Variants in XPO4 observed in about 807,000 individuals in gnomAD.
XPO4 encodes exportin-4.
Under a neutral mutation model 143.0 loss-of-function variants are expected in XPO4, and 39 were observed. That is an observed-to-expected ratio of 0.27 (90% CI 0.21 to 0.36). The LOEUF (loss-of-function observed/expected upper bound fraction) is 0.36, where lower values mean the gene tolerates loss of function less well. XPO4 is among the 10% of genes least tolerant of loss of function. The pLI, the probability that XPO4 is intolerant of heterozygous loss-of-function variation, is 1.00. For missense variants in XPO4, 907 were observed against 1,348.0 expected, an observed-to-expected ratio of 0.67 and a Z score of 5.12; for synonymous variants, 439 against 474.0, an observed-to-expected ratio of 0.93 and a Z score of 0.96.
intron 16 of XPO4, among the ~76,000 whole-genome samples, chr13:20,797,319 T>C (rs1256036631): frequency 1.3e-5 from 2 of 152,106 alleles, no homozygotes; most frequent in Admixed American, 1.3e-4. Context: ...CCTCCATCTC[T>C]TTCCAAGTAA....
chr13:20,831,578 T>C (rs2059852355), intron 6 of XPO4, among the ~76,000 whole-genome samples: 1 of 152,122 alleles, frequency 6.6e-6, no homozygotes, highest in Admixed American at 6.6e-5. Context: ...GCTTTATATA[T>C]TTTTCTAAAA....
intron 4 of XPO4, chr13:20,848,551 GACA>G (rs1307464248): frequency 1.0e-6 from 1 of 985,208 alleles, no homozygotes; most frequent in Non-Finnish European, 1.2e-6. Flanking sequence ...CATAGAAAAT[GACA>G]ACCACCTATT....
At chr13:20,804,225 C>T (rs1006336220) in intron 13 of XPO4, among the ~76,000 whole-genome samples, 22 of 150,226 alleles carry the variant, frequency 1.5e-4, no homozygotes, top group African/African-American at 4.4e-4. Context: ...TATATATATA[C>T]ACACACACAT....
At chr13:20,798,672 T>C (rs1463989109) in intron 16 of XPO4, among the ~76,000 whole-genome samples, 2 of 151,912 alleles carry the variant, frequency 1.3e-5, no homozygotes, top group East Asian at 1.9e-4. Flanking sequence ...TAAGACAACA[T>C]TTGTAAAATA....
chr13:20,848,041 G>A (rs374241203), intron 4 of XPO4, among the ~76,000 whole-genome samples: 13 of 152,258 alleles, frequency 8.5e-5, no homozygotes, highest in East Asian at 1.9e-4. Context: ...CCTTCCACCC[G>A]TTGGCAACGT....
In XPO4 at chr13:20,902,140, C is replaced by G. The variant is rs1240454200; in HGVS notation, c.69+530G>C. 4.9e-5 allele frequency: 48 copies of G among 985,292 alleles called. 1 individual carries two copies. The highest frequency in any genetic ancestry group is 5.3e-5 in the Non-Finnish European group (44 of 829,944). The allele number at this position is 985,292 out of a possible 1,614,324, so 61.0% of individuals were successfully genotyped here. On this transcript the variant is annotated intron_variant, in intron 1 of 22. Transcript: ENST00000255305. ...TTCCCCTCCCTCCCTCCAGCCGGCC[C>G]GGCCCTTCCACGTGCTGCCGGCTGC...
At chr13:20,829,240 G>T (rs1196358734) in intron 6 of XPO4, among the ~76,000 whole-genome samples, 1 of 152,136 alleles carries the variant, frequency 6.6e-6, no homozygotes, top group Non-Finnish European at 1.5e-5. Flanking sequence ...TTATAGGCAT[G>T]AGCCAGCACA....
chr13:20,815,112 AGGCAAAACTATGG>A (rs2059632623), intron 9 of XPO4, among the ~76,000 whole-genome samples: 1 of 152,216 alleles, frequency 6.6e-6, no homozygotes, highest in African/African-American at 2.4e-5. Context: ...ATTCTAGAAA[AGGCAAAACTATGG>A]AGACAGGCGA....
At chr13:20,892,031 G>GT (rs1439969267) in intron 1 of XPO4, among the ~76,000 whole-genome samples, 5 of 138,308 alleles carry the variant, frequency 3.6e-5, no homozygotes, top group Admixed American at 1.7e-4. Flanking sequence ...TTTTTGTTTT[G>GT]TTTTGTTTTT....
intron 7 of XPO4, among the ~76,000 whole-genome samples, chr13:20,824,105 C>T (rs541024035): frequency 1.1e-4 from 17 of 152,146 alleles, no homozygotes; most frequent in Non-Finnish European, 2.4e-4. Flanking sequence ...TGGCCCTATA[C>T]AAAAAATGTC....
At chr13:20,895,726 A>G (rs538878238) in intron 1 of XPO4, among the ~76,000 whole-genome samples, 30 of 152,216 alleles carry the variant, frequency 2.0e-4, no homozygotes, top group African/African-American at 6.7e-4. Context: ...CAGAAATGGG[A>G]TCATATATTC....
Position 20,786,952 on chromosome 13 carries a change from G to A in XPO4, c.3258+13C>T. ...AATGAGAAGAGTCCCCTGAAAAGAG[G>A]CATGTCCAGTACCTGGTGCAAACAC... On this transcript the variant is annotated intron_variant, in intron 22 of 22. Coordinates refer to ENST00000255305, the MANE Select transcript of XPO4 (RefSeq NM_022459.5). 6.5e-7 allele frequency: 1 copy of A among 1,546,810 alleles called. No homozygotes were observed. The highest frequency in any genetic ancestry group is 1.4e-5 in the African/African-American group (1 of 72,814).
intron 2 of XPO4, among the ~76,000 whole-genome samples, chr13:20,867,780 A>G (rs1204113875): frequency 6.6e-6 from 1 of 152,188 alleles, no homozygotes; most frequent in African/African-American, 2.4e-5. Context: ...AGTTCCTAAT[A>G]CTCAACTAAC....
intron 15 of XPO4, 53 bp from the exon 16 acceptor site, chr13:20,799,392 C>T: frequency 2.1e-6 from 3 of 1,428,912 alleles, no homozygotes; most frequent in Admixed American, 2.0e-5. Flanking sequence ...TATACATACA[C>T]ACATACACAT....
chr13:20,802,243 A>G (rs2059444277), intron 13 of XPO4, among the ~76,000 whole-genome samples: 1 of 151,968 alleles, frequency 6.6e-6, no homozygotes, highest in African/African-American at 2.4e-5. Context: ...ATTTTTGTAA[A>G]GACAGGGTTT....
At chr13:20,900,596 A>G (rs961883406) in intron 1 of XPO4, among the ~76,000 whole-genome samples, 2 of 149,986 alleles carry the variant, frequency 1.3e-5, no homozygotes, top group African/African-American at 5.0e-5. Context: ...ACTTAAGTGG[A>G]AATTTCCAAA....
At chr13:20,840,549 A>G (rs2059963974) in intron 6 of XPO4, among the ~76,000 whole-genome samples, 1 of 152,136 alleles carries the variant, frequency 6.6e-6, no homozygotes, top group Non-Finnish European at 1.5e-5. Flanking sequence ...ACACTTTTAA[A>G]CTAAGTTAAA....
intron 1 of XPO4, among the ~76,000 whole-genome samples, chr13:20,891,523 T>G (rs1233031576): frequency 6.6e-6 from 1 of 152,196 alleles, no homozygotes; most frequent in African/African-American, 2.4e-5. Context: ...ATCTTTGCAC[T>G]AACTCCCTGA....
chr13:20,822,637 T>C lies in XPO4; in HGVS notation c.841-348A>G, dbSNP rs1408780464. Among the ~76,000 whole-genome samples, 3 of 152,250 alleles carry C rather than the reference T, an allele frequency of 2.0e-5. 1 individual carries two copies. Among genetic ancestry groups the C allele is most frequent in the Non-Finnish European group, 2.9e-5 (2 of 68,038 alleles). On this transcript the variant is annotated intron_variant, in intron 7 of 22. Coordinates refer to ENST00000255305, the MANE Select transcript of XPO4 (RefSeq NM_022459.5). ...TCATCTGTATTATGCTAACTATGCC[T>C]AGCTACAGCTTCTTGCTAAACTTAG... is the stretch of plus-strand genomic sequence containing the variant.
Sources: gnomAD v4.1 joint callset for allele counts (sites outside exome capture counted in the v4.1 genomes callset) on GRCh38, gnomAD v4.1.1 for gene constraint, MANE v1.5 for transcripts, NCBI Gene and HGNC (gene_info 2026-07-23, HGNC 2026-07-21) for gene names.